The following FCHO2 variants were observed in gnomAD, a reference collection of about 807,000 sequenced individuals.
FCHO2 encodes the protein F-BAR domain only protein 2.
In FCHO2, 43 loss-of-function variants were observed where a neutral mutation model predicts 114.1. The observed-to-expected ratio is 0.38, with a 90% CI of 0.30 to 0.49. The LOEUF is 0.49. FCHO2 is among the 20% of genes least tolerant of loss of function. FCHO2 has a pLI of 0.97. For missense variants in FCHO2, 807 were observed against 950.4 expected (o/e 0.85, Z 1.98); for synonymous variants, 293 against 315.2 (o/e 0.93, Z 0.75).
intron 19 of FCHO2, among the ~76,000 whole-genome samples, chr5:73,072,255 C>T (rs958069357): frequency 6.6e-6 from 1 of 151,878 alleles, no homozygotes; most frequent in Non-Finnish European, 1.5e-5. Flanking sequence ...ATTACAATAA[C>T]AAATGTTGGT....
intron 9 of FCHO2, among the ~76,000 whole-genome samples, chr5:73,036,485 C>T (rs955712688): frequency 6.6e-6 from 1 of 151,974 alleles, no homozygotes; most frequent in Non-Finnish European, 1.5e-5. Context: ...GCAATCCTCT[C>T]ACCCCAGCCT....
At chr5:73,053,364 G>A (rs569526217) in intron 13 of FCHO2, among the ~76,000 whole-genome samples, 68 of 152,154 alleles carry the variant, frequency 4.5e-4, no homozygotes, top group African/African-American at 1.6e-3. Flanking sequence ...ACTATTTAAC[G>A]TTAAGATTAA....
rs1357538699 is a variant in FCHO2 at position 73,082,840 on chromosome 5, C to T, written c.2245+15C>T. 3.9e-6 allele frequency: 6 copies of T among 1,555,426 alleles called. No individual in the cohort carries two copies. Among genetic ancestry groups the T allele is most frequent in the Non-Finnish European group, 5.2e-6 (6 of 1,154,678 alleles). On this transcript the variant is annotated intron_variant, in intron 24 of 25. Transcript: ENST00000430046. ...AGAAAATGGAGGTAAGTGTGTGTGT[C>T]CTTTTTTATTTATAAAATGATGTCA...
chr5:72,990,893 G>T (rs1421277808), intron 5 of FCHO2, 29 bp downstream of exon 5: 6 of 1,522,606 alleles, frequency 3.9e-6, no homozygotes, highest in Non-Finnish European at 5.3e-6. Flanking sequence ...ACATATCTGT[G>T]GTTTCAAAGC....
At chr5:73,058,185 T>G (rs1161531234) in intron 16 of FCHO2, among the ~76,000 whole-genome samples, 1 of 151,756 alleles carries the variant, frequency 6.6e-6, no homozygotes, top group Non-Finnish European at 1.5e-5. Context: ...TTAAAAAAAT[T>G]TTTTTGTGTA....
intron 1 of FCHO2, among the ~76,000 whole-genome samples, chr5:72,962,958 A>G (rs1751957044): frequency 6.6e-6 from 1 of 152,136 alleles, no homozygotes; most frequent in African/African-American, 2.4e-5. Context: ...ATAAGTATAA[A>G]TTGTTGTGAT....
intron 16 of FCHO2, among the ~76,000 whole-genome samples, chr5:73,058,075 A>G (rs982756995): frequency 1.6e-4 from 25 of 152,028 alleles, no homozygotes; most frequent in African/African-American, 5.8e-4. Context: ...CAGTGGTGCA[A>G]TCATAGCTCA....
intron 25 of FCHO2, 97 bp downstream of exon 25, chr5:73,087,850 A>C: frequency 6.7e-7 from 1 of 1,495,276 alleles, no homozygotes; most frequent in Admixed American, 2.3e-5. Context: ...ATCTAAAGAC[A>C]TGGAAATTTT....
intron 6 of FCHO2, among the ~76,000 whole-genome samples, chr5:73,014,278 C>CTTTTTTTTTTTTTTTTTTTT (rs200985404): frequency 6.7e-6 from 1 of 148,732 alleles, no homozygotes; most frequent in Non-Finnish European, 1.5e-5. Flanking sequence ...TTTCTTTTTT[C>CTTTTTTTTTTTTTTTTTTTT]TTTTTTTTCT....
intron 19 of FCHO2, among the ~76,000 whole-genome samples, chr5:73,069,971 G>T (rs1393034891): frequency 6.6e-6 from 1 of 152,112 alleles, no homozygotes; most frequent in Non-Finnish European, 1.5e-5. Flanking sequence ...GTAGTGATGG[G>T]TTTATTCTTG....
At chr5:73,012,495 T>C (rs1455401569) in intron 6 of FCHO2, among the ~76,000 whole-genome samples, 2 of 151,946 alleles carry the variant, frequency 1.3e-5, no homozygotes, top group African/African-American at 4.8e-5. Context: ...GGCACATGCC[T>C]GTAGTCCCAG....
chr5:72,962,764 G>A (rs1169512453), intron 1 of FCHO2, among the ~76,000 whole-genome samples: 2 of 151,938 alleles, frequency 1.3e-5, no homozygotes, highest in East Asian at 1.9e-4. Flanking sequence ...GTGATGGTGC[G>A]AACCTGTAGT....
chr5:73,050,294 C>CTATT (rs3054232), intron 11 of FCHO2, among the ~76,000 whole-genome samples: 14,088 of 123,492 alleles, frequency 0.11, 737 homozygotes, highest in Middle Eastern at 0.16. Flanking sequence ...TAGCTTTCTG[C>CTATT]TATTTATTTA....
At chr5:73,021,135 A>G in intron 8 of FCHO2, 1 of 780,784 alleles carries the variant, frequency 1.3e-6, no homozygotes. Flanking sequence ...TCCTCAGGAA[A>G]TCTTCATGGC....
At chr5:73,066,903 G>A (rs1742366932) in intron 18 of FCHO2, among the ~76,000 whole-genome samples, 1 of 151,908 alleles carries the variant, frequency 6.6e-6, no homozygotes, top group South Asian at 2.1e-4. Context: ...TTAAAGCAAT[G>A]CCGTCCAATA....
chr5:73,041,336 T>A, intron 11 of FCHO2, 21 bp downstream of exon 11: 1 of 1,420,034 alleles, frequency 7.0e-7, no homozygotes, highest in Non-Finnish European at 9.9e-7. Flanking sequence ...TTAACTTTGA[T>A]ATAAACAATT....
intron 2 of FCHO2, among the ~76,000 whole-genome samples, chr5:72,983,438 A>G (rs1384685875): frequency 1.3e-5 from 2 of 151,644 alleles, no homozygotes; most frequent in East Asian, 3.9e-4. Context: ...GCTGGAGTGC[A>G]GTGCAGCCTC....
chr5:72,997,351 T>A (rs1754175599), intron 5 of FCHO2: 1 of 1,587,804 alleles, frequency 6.3e-7, no homozygotes, highest in Non-Finnish European at 8.6e-7. Flanking sequence ...AACTGGACAA[T>A]AGCAGAAGCA....
chr5:73,049,464 T>A (rs1757241586), intron 11 of FCHO2, among the ~76,000 whole-genome samples: 1 of 152,190 alleles, frequency 6.6e-6, no homozygotes, highest in African/African-American at 2.4e-5. Flanking sequence ...TTATCCTGTT[T>A]TTTCTTGACT....
Sources: gnomAD v4.1 joint callset for allele counts (sites outside exome capture counted in the v4.1 genomes callset) on GRCh38, gnomAD v4.1.1 for gene constraint, MANE v1.5 for transcripts, NCBI Gene and HGNC (gene_info 2026-07-23, HGNC 2026-07-21) for gene names.